TENM2: variants seen among roughly 807,000 people sequenced by gnomAD.
TENM2 encodes teneurin transmembrane protein 2, also known as teneurin-2.
In TENM2, 52 loss-of-function variants were observed where a neutral mutation model predicts 245.2. The observed-to-expected ratio is 0.21, with a 90% CI of 0.17 to 0.27. The LOEUF (loss-of-function observed/expected upper bound fraction) is 0.27, where lower values mean the gene tolerates loss of function less well. Ranked by LOEUF, TENM2 falls within the 10% of genes least tolerant of loss-of-function variation. TENM2 has a pLI of 1.00. For missense variants in TENM2, 3,046 were observed against 3,666.8 expected, an observed-to-expected ratio of 0.83 and a Z score of 4.37; for synonymous variants, 1,363 against 1,438.9, an observed-to-expected ratio of 0.95 and a Z score of 1.19.
intron 2 of TENM2, among the ~76,000 whole-genome samples, chr5:167,771,421 C>T (rs1763396594): frequency 6.6e-6 from 1 of 152,042 alleles, no homozygotes; most frequent in African/African-American, 2.4e-5. Flanking sequence ...ACAAAGCTAC[C>T]CCAGTATCTT....
At chr5:167,975,558 T>A (rs1782375809) in intron 4 of TENM2, among the ~76,000 whole-genome samples, 1 of 152,060 alleles carries the variant, frequency 6.6e-6, no homozygotes, top group East Asian at 1.9e-4. Context: ...CTGCACAACA[T>A]TCCTGAGTGT....
chr5:167,453,728 C>T (rs1765743580), intron 2 of TENM2, among the ~76,000 whole-genome samples: 3 of 152,114 alleles, frequency 2.0e-5, no homozygotes, highest in Non-Finnish European at 4.4e-5. Context: ...AGGGACTAGG[C>T]CCATGAACTG....
At chr5:168,262,634 G>T in exon 29 of TENM2, 1 of 1,598,172 alleles carries the variant, frequency 6.3e-7, no homozygotes. Context: ...GAAAGCCAGG[G>T]ACGGGAGAGA....
intron 2 of TENM2, among the ~76,000 whole-genome samples, chr5:167,669,010 A>C (rs1012515040): frequency 6.6e-6 from 1 of 152,214 alleles, no homozygotes; most frequent in African/African-American, 2.4e-5. Flanking sequence ...AATTAACTGC[A>C]GAAGGTGCGC....
intron 25 of TENM2, among the ~76,000 whole-genome samples, chr5:168,237,487 A>T (rs1224147930): frequency 2.0e-5 from 3 of 152,014 alleles, no homozygotes; most frequent in African/African-American, 7.2e-5. Flanking sequence ...TAAAGTCCCG[A>T]CTCACCAGTT....
At chr5:168,121,140 G>A (rs1197540679) in intron 10 of TENM2, among the ~76,000 whole-genome samples, 1 of 152,084 alleles carries the variant, frequency 6.6e-6, no homozygotes, top group Non-Finnish European at 1.5e-5. Flanking sequence ...TTTATCCTTA[G>A]GGATAGAAAT....
At chr5:167,630,268 T>C (rs909931740) in intron 2 of TENM2, among the ~76,000 whole-genome samples, 4 of 151,992 alleles carry the variant, frequency 2.6e-5, no homozygotes, top group Non-Finnish European at 4.4e-5. Context: ...TCAGGTAGAA[T>C]AGGGTTACCT....
the TENM2 span, among the ~76,000 whole-genome samples, chr5:167,217,393 A>G: frequency 2.6e-5 from 4 of 152,168 alleles, no homozygotes; most frequent in Non-Finnish European, 4.4e-5. Flanking sequence ...TCAGTCTGCA[A>G]TCTTAAGAAG....
the TENM2 span, among the ~76,000 whole-genome samples, chr5:167,084,327 T>TTCTATATA: frequency 1.7e-4 from 4 of 23,170 alleles, no homozygotes; most frequent in Non-Finnish European, 4.9e-4. Flanking sequence ...GCCATTTTAG[T>TTCTATATA]TATATATATA....
chr5:167,392,996 C>T (rs2127367067), intron 2 of TENM2, among the ~76,000 whole-genome samples: 1 of 152,022 alleles, frequency 6.6e-6, no homozygotes, highest in South Asian at 2.1e-4. Flanking sequence ...GTGGAGGGCA[C>T]CTGTAATCCC....
At chr5:166,979,773 C>A in the TENM2 span, among the ~76,000 whole-genome samples, 2 of 49,242 alleles carry the variant, frequency 4.1e-5, no homozygotes, top group East Asian at 1.2e-3. Context: ...TCATTAGTTG[C>A]ATGAGTTTCA....
At chr5:167,452,093 T>C (rs1327602463) in intron 2 of TENM2, among the ~76,000 whole-genome samples, 1 of 152,194 alleles carries the variant, frequency 6.6e-6, no homozygotes, top group Admixed American at 6.5e-5. Context: ...TAAATAATAG[T>C]GACTTATTAA....
intron 2 of TENM2, among the ~76,000 whole-genome samples, chr5:167,661,918 T>A (rs1380322144): frequency 6.6e-6 from 1 of 152,220 alleles, no homozygotes; most frequent in East Asian, 1.9e-4. Flanking sequence ...ACCTTCTTAG[T>A]TATCCTCAGG....
intron 2 of TENM2, among the ~76,000 whole-genome samples, chr5:167,779,917 G>A (rs143819929): frequency 8.1e-4 from 124 of 152,312 alleles, no homozygotes; most frequent in African/African-American, 2.3e-3. Flanking sequence ...ATTTGGCCAC[G>A]AACAGTGTTG....
the TENM2 span, among the ~76,000 whole-genome samples, chr5:167,008,174 T>C: frequency 5.3e-5 from 8 of 152,230 alleles, no homozygotes; most frequent in Non-Finnish European, 1.0e-4. Context: ...TTTTCTTCCC[T>C]GTTACTGGGA....
intron 2 of TENM2, among the ~76,000 whole-genome samples, chr5:167,383,584 T>C (rs1254299601): frequency 6.6e-6 from 1 of 152,088 alleles, no homozygotes; most frequent in South Asian, 2.1e-4. Flanking sequence ...CCCCAACATC[T>C]TCCCTCCCCA....
intron 1 of TENM2, among the ~76,000 whole-genome samples, chr5:167,339,868 T>C (rs907532136): frequency 6.6e-6 from 1 of 152,168 alleles, no homozygotes. Context: ...AATAACCATC[T>C]TGGGAGCAGA....
At chr5:168,085,087 C>A (rs1046309029) in intron 7 of TENM2, among the ~76,000 whole-genome samples, 1 of 152,196 alleles carries the variant, frequency 6.6e-6, no homozygotes, top group Non-Finnish European at 1.5e-5. Context: ...GGCACTGGAT[C>A]CATTCCTTAA....
At chr5:167,560,238 A>C (rs1479377306) in intron 2 of TENM2, among the ~76,000 whole-genome samples, 1 of 152,164 alleles carries the variant, frequency 6.6e-6, no homozygotes, top group Non-Finnish European at 1.5e-5. Flanking sequence ...TGTACATTGA[A>C]GGCTGTGGTC....
Sources: allele counts gnomAD v4.1 joint callset (sites outside exome capture counted in the v4.1 genomes callset), GRCh38; gene constraint gnomAD v4.1.1; transcripts MANE v1.5; gene names NCBI Gene and HGNC (gene_info 2026-07-23, HGNC 2026-07-21).